Variants in CRPPA observed in about 807,000 individuals in gnomAD.
CRPPA encodes the protein D-ribitol-5-phosphate cytidylyltransferase.
CRPPA carries 43 observed loss-of-function variants against 52.0 expected under a neutral mutation model. That is an observed-to-expected ratio of 0.83 (90% CI 0.65 to 1.07). The LOEUF (loss-of-function observed/expected upper bound fraction) is 1.07, where lower values mean the gene tolerates loss of function less well. Among genes scored for constraint, CRPPA ranks in the 50% least tolerant of loss-of-function variants. The pLI is 0.00. For synonymous variants in CRPPA, 250 were observed against 203.5 expected (o/e 1.23, Z -1.94); for missense variants, 629 against 551.7 (o/e 1.14, Z -1.40).
Position 16,421,339 on chromosome 7 carries a change from G to A in CRPPA, c.-17C>T. 8.1e-7 allele frequency: 1 copy of A among 1,240,136 alleles called. No individual in the cohort carries two copies. Among genetic ancestry groups the A allele is most frequent in the Non-Finnish European group, 1.0e-6 (1 of 990,120 alleles). 76.8% of individuals were successfully genotyped at this position (1,240,136 alleles called of 1,614,324 possible). On this transcript the variant is annotated 5_prime_UTR_variant, in exon 1 of 10. Coordinates refer to ENST00000407010, the MANE Select transcript of CRPPA (RefSeq NM_001101426.4). ...GGCCTCCATGGCTGCGGGCGGAACG[G>A]CGAGCCCCGCTAGCCTCGGGCCGAT...
chr7:16,148,266 C>T (rs904901802), intron 9 of CRPPA, among the ~76,000 whole-genome samples: 1 of 152,070 alleles, frequency 6.6e-6, no homozygotes, highest in African/African-American at 2.4e-5. Flanking sequence ...ACAACTGTGA[C>T]ATGAACTACC....
chr7:16,257,978 T>C (rs1004169893), intron 8 of CRPPA, among the ~76,000 whole-genome samples: 3 of 152,072 alleles, frequency 2.0e-5, no homozygotes, highest in Non-Finnish European at 4.4e-5. Flanking sequence ...ACAGAGAAAA[T>C]GAAACAACCC....
At chr7:16,402,427 T>G (rs1205313224) in intron 2 of CRPPA, among the ~76,000 whole-genome samples, 2 of 152,158 alleles carry the variant, frequency 1.3e-5, no homozygotes, top group African/African-American at 4.8e-5. Flanking sequence ...GATGATAAAG[T>G]CTTGCCAAAC....
At chr7:16,346,864 T>C (rs1330959052) in intron 3 of CRPPA, among the ~76,000 whole-genome samples, 1 of 151,966 alleles carries the variant, frequency 6.6e-6, no homozygotes, top group East Asian at 1.9e-4. Context: ...CCTTTCAGCA[T>C]AGGATCCAGG....
intron 4 of CRPPA, among the ~76,000 whole-genome samples, chr7:16,306,944 T>A (rs1012422500): frequency 1.1e-4 from 17 of 152,062 alleles, no homozygotes; most frequent in African/African-American, 4.1e-4. Context: ...TTCAAACATG[T>A]CAATATTTTG....
Position 16,090,485 on chromosome 7 carries a change from C to T in CRPPA, c.*1210G>A, listed in dbSNP as rs1781812411. ...TTGGGAGGCCGAGGCAGGCAGATCACTTGAGGTCAGGAGTTCAAGACCAGC... is the reference window on the plus strand; with the variant it reads ...TTGGGAGGCCGAGGCAGGCAGATCATTTGAGGTCAGGAGTTCAAGACCAGC... On this transcript the variant is annotated 3_prime_UTR_variant, in exon 10 of 10. Coordinates refer to ENST00000407010, the MANE Select transcript of CRPPA (RefSeq NM_001101426.4). The T allele has an allele frequency of 7.0e-6, 1 of 141,916 alleles. No homozygotes were observed. The highest frequency in any genetic ancestry group is 1.5e-5 in the Non-Finnish European group (1 of 66,624). 8.8% of individuals were successfully genotyped at this position (141,916 alleles called of 1,614,324 possible). A position where few individuals can be genotyped will look rare whatever the true frequency, so the allele number is the denominator to read the frequency against.
chr7:16,152,626 C>T (rs560000634), intron 9 of CRPPA, among the ~76,000 whole-genome samples: 47 of 151,980 alleles, frequency 3.1e-4, no homozygotes, highest in Admixed American at 6.5e-4. Flanking sequence ...ATACTTTAAT[C>T]GCTGTTTTTC....
intron 4 of CRPPA, among the ~76,000 whole-genome samples, chr7:16,307,268 T>C (rs904135739): frequency 1.3e-5 from 2 of 152,212 alleles, no homozygotes; most frequent in Non-Finnish European, 2.9e-5. Flanking sequence ...TATTTCCAAA[T>C]GTCCTGTTCA....
intron 3 of CRPPA, among the ~76,000 whole-genome samples, chr7:16,315,315 G>A (rs1190506106): frequency 6.6e-6 from 1 of 152,040 alleles, no homozygotes; most frequent in South Asian, 2.1e-4. Context: ...AATCATAGTT[G>A]TTTTAAATTC....
intron 3 of CRPPA, among the ~76,000 whole-genome samples, 194 bp from the exon 4 acceptor site, chr7:16,308,821 C>T (rs1389771812): frequency 6.6e-6 from 1 of 152,258 alleles, no homozygotes; most frequent in East Asian, 1.9e-4. Context: ...GCAACCATCA[C>T]GTGAAGCAAA....
chr7:16,292,479 G>A (rs79927961), intron 5 of CRPPA, among the ~76,000 whole-genome samples: 2,050 of 151,996 alleles, frequency 0.013, 40 homozygotes, highest in African/African-American at 0.047. Context: ...ACAGAGGGAG[G>A]AAGAATTAGA....
intron 1 of CRPPA, among the ~76,000 whole-genome samples, chr7:16,413,122 T>C (rs552626277): frequency 3.3e-5 from 5 of 152,208 alleles, no homozygotes; most frequent in Admixed American, 1.3e-4. Flanking sequence ...GGCCTCTGGA[T>C]TGTACTATGG....
chr7:16,216,179 T>C lies in CRPPA; in HGVS notation c.1138A>G (p.Lys380Glu). ...VVVSVHFLDF[K>E]LVPPSQKMEN... ...ATTTTCTGACTGGGAGGTACTAATT[T>C]AAAATCAAGAAAATGAACCTGCAAA... Residue 380 changes from lysine to glutamate, a missense_variant, in exon 9 of 10, where the codon AAA becomes GAA. Physicochemically the swap from Lys to Glu is moderately conservative, Grantham distance 56. Coordinates refer to ENST00000407010, the MANE Select transcript of CRPPA (RefSeq NM_001101426.4). 1 of 1,577,102 alleles carries C rather than the reference T, an allele frequency of 6.3e-7. No individual in the cohort carries two copies. Among genetic ancestry groups the C allele is most frequent in the South Asian group, 1.2e-5 (1 of 86,740 alleles).
At chr7:16,107,625 T>A (rs1782183263) in intron 9 of CRPPA, among the ~76,000 whole-genome samples, 1 of 152,116 alleles carries the variant, frequency 6.6e-6, no homozygotes, top group African/African-American at 2.4e-5. Flanking sequence ...AGCAAGTTTT[T>A]TAAACTGAAA....
intron 3 of CRPPA, among the ~76,000 whole-genome samples, chr7:16,352,205 T>G (rs888456632): frequency 2.7e-5 from 4 of 150,804 alleles, no homozygotes; most frequent in African/African-American, 9.8e-5. Flanking sequence ...TAAGTGGGAG[T>G]TGAACAATGA....
chr7:16,324,567 G>A (rs562809265), intron 3 of CRPPA, among the ~76,000 whole-genome samples: 26 of 152,286 alleles, frequency 1.7e-4, no homozygotes, highest in African/African-American at 6.0e-4. Context: ...ACAACACACT[G>A]TATTCAAGGG....
chr7:16,112,809 T>C (rs551621894), intron 9 of CRPPA, among the ~76,000 whole-genome samples: 1 of 152,024 alleles, frequency 6.6e-6, no homozygotes, highest in Non-Finnish European at 1.5e-5. Flanking sequence ...ATTCATTCAA[T>C]GACTATATTT....
At chr7:16,311,105 C>A (rs546259577) in intron 3 of CRPPA, among the ~76,000 whole-genome samples, 1 of 152,218 alleles carries the variant, frequency 6.6e-6, no homozygotes, top group African/African-American at 2.4e-5. Flanking sequence ...CCCACATATA[C>A]ACGACCTCTC....
chr7:16,350,456 TA>T (rs879814348), intron 3 of CRPPA, among the ~76,000 whole-genome samples: 19 of 152,182 alleles, frequency 1.2e-4, no homozygotes, highest in Non-Finnish European at 2.4e-4. Flanking sequence ...CTACAAATAT[TA>T]AAAAATATAA....
Sources: allele counts gnomAD v4.1 joint callset (sites outside exome capture counted in the v4.1 genomes callset), GRCh38; gene constraint gnomAD v4.1.1; transcripts MANE v1.5; gene names NCBI Gene and HGNC (gene_info 2026-07-23, HGNC 2026-07-21).